The following PPP2R5E variants were observed in gnomAD, a reference collection of about 807,000 sequenced individuals.
The protein encoded by PPP2R5E is protein phosphatase 2 regulatory subunit B'epsilon.
PPP2R5E carries 4 observed loss-of-function variants against 65.3 expected under a neutral mutation model. The observed-to-expected ratio is 0.06, with a 90% CI of 0.03 to 0.14. The LOEUF is 0.14. PPP2R5E is among the 10% of genes least tolerant of loss of function. PPP2R5E has a pLI of 1.00. For synonymous variants in PPP2R5E, 183 were observed against 187.4 expected, an observed-to-expected ratio of 0.98 and a Z score of 0.19; for missense variants, 274 against 556.1, an observed-to-expected ratio of 0.49 and a Z score of 5.10.
At chr14:63,396,535 A>AT (rs1172284319) in intron 6 of PPP2R5E, 51 bp downstream of exon 6, 5 of 1,596,650 alleles carry the variant, frequency 3.1e-6, no homozygotes, top group Non-Finnish European at 8.5e-7. Context: ...CTTAATACTC[A>AT]TAAAAACACC....
At chr14:63,426,736 A>C (rs967107324) in intron 3 of PPP2R5E, among the ~76,000 whole-genome samples, 4 of 150,530 alleles carry the variant, frequency 2.7e-5, no homozygotes, top group Non-Finnish European at 5.9e-5. Flanking sequence ...ACAGCCTCCC[A>C]CAATACCAGA....
rs1320538114 is a variant in PPP2R5E, at chr14:63,391,753, C to T, written c.954+64G>A. The stretch of plus-strand genomic sequence containing the variant: ...GATGCGGTTTTATACATGCTTAGCC[C>T]AATCCTTGGCACTCAGCAAAATATT... On this transcript the variant is annotated intron_variant, in intron 10 of 13. Transcript: ENST00000337537. 3.2e-6 allele frequency: 5 copies of T among 1,544,528 alleles called. No homozygotes were observed. In the East Asian group the frequency reaches 6.8e-5, roughly 21 times the overall value.
At chr14:63,420,002 T>C (rs1374883351) in intron 4 of PPP2R5E, among the ~76,000 whole-genome samples, 1 of 152,210 alleles carries the variant, frequency 6.6e-6, no homozygotes, top group East Asian at 1.9e-4. Context: ...AATTTGGTCC[T>C]GTATTTTACA....
chr14:63,421,089 A>G (rs1009518020), intron 4 of PPP2R5E, among the ~76,000 whole-genome samples: 2 of 137,624 alleles, frequency 1.5e-5, no homozygotes, highest in Non-Finnish European at 3.2e-5. Flanking sequence ...AAAAAAAAAA[A>G]GTCAACCTGA....
chr14:63,409,060 C>T (rs144895443), intron 5 of PPP2R5E, among the ~76,000 whole-genome samples: 2,819 of 152,128 alleles, frequency 0.019, 44 homozygotes, highest in Middle Eastern at 0.034. Flanking sequence ...GGAGAAACCC[C>T]GTTACTACTA....
chr14:63,385,796 G>A (rs1022764212), intron 11 of PPP2R5E, among the ~76,000 whole-genome samples: 1 of 152,142 alleles, frequency 6.6e-6, no homozygotes, highest in Non-Finnish European at 1.5e-5. Flanking sequence ...CATTTCTAGG[G>A]CTTCTTCCAG....
intron 10 of PPP2R5E, among the ~76,000 whole-genome samples, chr14:63,390,295 G>GACACAC (rs59239063): frequency 0.041 from 5,698 of 140,098 alleles, 355 homozygotes; most frequent in African/African-American, 0.13. Context: ...ACGCATTCTC[G>GACACAC]ACACACACAC....
intron 2 of PPP2R5E, among the ~76,000 whole-genome samples, chr14:63,536,842 C>G (rs1893685905): frequency 6.6e-6 from 1 of 152,032 alleles, no homozygotes; most frequent in Admixed American, 6.6e-5. Context: ...AAACAAAAAA[C>G]AGAATGGCGG....
At chr14:63,471,605 T>G (rs1406512410) in intron 2 of PPP2R5E, among the ~76,000 whole-genome samples, 2 of 152,178 alleles carry the variant, frequency 1.3e-5, no homozygotes, top group East Asian at 3.9e-4. Context: ...CTTTAATCCT[T>G]TCTACAATGC....
intron 4 of PPP2R5E, among the ~76,000 whole-genome samples, chr14:63,419,380 G>C (rs1193130899): frequency 6.6e-6 from 1 of 152,170 alleles, no homozygotes; most frequent in Non-Finnish European, 1.5e-5. Context: ...CTAAAACTAT[G>C]CTGTGTTTTG....
intron 13 of PPP2R5E, among the ~76,000 whole-genome samples, chr14:63,377,586 A>G (rs905237320): frequency 6.6e-6 from 1 of 152,204 alleles, no homozygotes; most frequent in Non-Finnish European, 1.5e-5. Context: ...TGGGAGCACA[A>G]ACCAGTGGAA....
intron 2 of PPP2R5E, among the ~76,000 whole-genome samples, chr14:63,473,939 A>T (rs73274688): frequency 0.054 from 8,148 of 152,268 alleles, 582 homozygotes; most frequent in African/African-American, 0.17. Flanking sequence ...GAATCATGAC[A>T]GTATTAAAGT....
intron 3 of PPP2R5E, among the ~76,000 whole-genome samples, chr14:63,439,100 AG>A (rs937875370): frequency 1.3e-5 from 2 of 152,194 alleles, no homozygotes; most frequent in African/African-American, 2.4e-5. Flanking sequence ...CAGGTTAGCA[AG>A]ACTTCATTGT....
At chr14:63,398,305 A>G (rs1165685934) in intron 5 of PPP2R5E, among the ~76,000 whole-genome samples, 1 of 152,362 alleles carries the variant, frequency 6.6e-6, no homozygotes, top group East Asian at 1.9e-4. Context: ...CTTGAGGGAA[A>G]CAAAACTTGA....
At chr14:63,531,165 A>T (rs1893418357) in intron 2 of PPP2R5E, among the ~76,000 whole-genome samples, 1 of 152,108 alleles carries the variant, frequency 6.6e-6, no homozygotes, top group Non-Finnish European at 1.5e-5. Flanking sequence ...CGAAACTCCC[A>T]TCACAAAAAA....
intron 2 of PPP2R5E, among the ~76,000 whole-genome samples, chr14:63,501,182 C>G (rs1891859324): frequency 6.6e-6 from 1 of 151,910 alleles, no homozygotes; most frequent in Non-Finnish European, 1.5e-5. Flanking sequence ...GGCAGATCAC[C>G]AGGTCAGGAG....
At chr14:63,400,470 C>A (rs968262154) in intron 5 of PPP2R5E, among the ~76,000 whole-genome samples, 1 of 152,144 alleles carries the variant, frequency 6.6e-6, no homozygotes, top group East Asian at 1.9e-4. Context: ...CTTTTCCTAG[C>A]AGCCTATCCA....
chr14:63,430,401 G>GCATA (rs56314616), intron 3 of PPP2R5E, among the ~76,000 whole-genome samples: 5,473 of 143,632 alleles, frequency 0.038, 197 homozygotes, highest in African/African-American at 0.098. Context: ...ATACATACAT[G>GCATA]CATACATACA....
At chr14:63,487,213 C>A (rs1891041259) in intron 2 of PPP2R5E, among the ~76,000 whole-genome samples, 1 of 152,190 alleles carries the variant, frequency 6.6e-6, no homozygotes, top group Non-Finnish European at 1.5e-5. Context: ...TATTTTAACA[C>A]ATTGCCTCAA....
Sources: allele counts gnomAD v4.1 joint callset (sites outside exome capture counted in the v4.1 genomes callset), GRCh38; gene constraint gnomAD v4.1.1; transcripts MANE v1.5; gene names NCBI Gene and HGNC (gene_info 2026-07-23, HGNC 2026-07-21).